FYB1: variants seen among roughly 807,000 people sequenced by gnomAD.
The protein encoded by FYB1 is FYN-binding protein 1.
In FYB1, 41 loss-of-function variants were observed where a neutral mutation model predicts 94.1. The ratio of observed to expected loss-of-function variants is 0.44; its 90% confidence interval spans 0.34 to 0.57. FYB1 has a LOEUF of 0.57. FYB1 is among the 20% of genes least tolerant of loss of function. FYB1 has a pLI of 0.02. For synonymous variants in FYB1, 367 were observed against 353.2 expected, an observed-to-expected ratio of 1.04 and a Z score of -0.44; for missense variants, 1,050 against 976.8, an observed-to-expected ratio of 1.07 and a Z score of -1.00.
chr5:39,268,652 C>T (rs552498182), intron 1 of FYB1, among the ~76,000 whole-genome samples: 132 of 151,830 alleles, frequency 8.7e-4, no homozygotes, highest in South Asian at 4.2e-3. Flanking sequence ...CTGCAACCTC[C>T]GTCTCCCAGG....
chr5:39,263,067 G>T (rs1752289154), intron 1 of FYB1, among the ~76,000 whole-genome samples: 1 of 152,150 alleles, frequency 6.6e-6, no homozygotes, highest in Admixed American at 6.5e-5. Flanking sequence ...GTGAGTATAT[G>T]AGCATTTGTT....
At chr5:39,246,419 C>A (rs764547912) in intron 1 of FYB1, among the ~76,000 whole-genome samples, 16 of 152,274 alleles carry the variant, frequency 1.1e-4, no homozygotes, top group Non-Finnish European at 2.2e-4. Flanking sequence ...TTATTGCCAA[C>A]CAATTCTGCT....
chr5:39,148,612 A>G (rs1297768849), intron 3 of FYB1, among the ~76,000 whole-genome samples: 1 of 151,738 alleles, frequency 6.6e-6, no homozygotes, highest in Non-Finnish European at 1.5e-5. Flanking sequence ...CTGGCTACTG[A>G]TACGGCAAGT....
chr5:39,139,398 C>A (rs1196292116), intron 4 of FYB1, 146 bp from the exon 5 acceptor site: 3 of 654,830 alleles, frequency 4.6e-6, no homozygotes, highest in Middle Eastern at 9.8e-4. Flanking sequence ...AATAGAAAAT[C>A]AAATACGTAC....
At chr5:39,148,466 C>T (rs1302529107) in intron 3 of FYB1, among the ~76,000 whole-genome samples, 1 of 116,544 alleles carries the variant, frequency 8.6e-6, no homozygotes, top group Non-Finnish European at 1.6e-5. Flanking sequence ...TTGTTCTATA[C>T]CTGCCTTACT....
intron 1 of FYB1, among the ~76,000 whole-genome samples, chr5:39,272,014 A>G (rs1278096873): frequency 1.3e-5 from 2 of 151,734 alleles, no homozygotes; most frequent in Non-Finnish European, 2.9e-5. Context: ...AGAGATCATC[A>G]AAGTGCAGAT....
chr5:39,213,467 G>T (rs1199753515), intron 1 of FYB1, among the ~76,000 whole-genome samples: 1 of 152,178 alleles, frequency 6.6e-6, no homozygotes, highest in Admixed American at 6.5e-5. Context: ...CAAGGGATGT[G>T]ATAACATTTG....
intron 3 of FYB1, among the ~76,000 whole-genome samples, chr5:39,150,512 A>G (rs1376761690): frequency 6.6e-6 from 1 of 152,186 alleles, no homozygotes; most frequent in Admixed American, 6.5e-5. Context: ...AGTGTTGCCC[A>G]ATTTTAGACG....
intron 1 of FYB1, among the ~76,000 whole-genome samples, chr5:39,233,315 A>G (rs918508279): frequency 1.3e-5 from 2 of 152,154 alleles, no homozygotes; most frequent in Non-Finnish European, 2.9e-5. Flanking sequence ...CATGGTGAGC[A>G]TCCTTAGCAG....
intron 2 of FYB1, chr5:39,169,597 C>T (rs575616457): frequency 1.1e-5 from 5 of 466,192 alleles, no homozygotes; most frequent in South Asian, 6.8e-5. Flanking sequence ...GTAATCCCAG[C>T]ACTTTGGGAG....
intron 1 of FYB1, among the ~76,000 whole-genome samples, chr5:39,211,789 G>A (rs1358834045): frequency 6.6e-6 from 1 of 152,036 alleles, no homozygotes; most frequent in East Asian, 1.9e-4. Context: ...CAACAAACAC[G>A]AAAACATAGA....
chr5:39,178,438 A>G (rs1017466370), intron 2 of FYB1, among the ~76,000 whole-genome samples: 2 of 152,214 alleles, frequency 1.3e-5, no homozygotes, highest in African/African-American at 4.8e-5. Context: ...CAAATATCAT[A>G]GAACAAATTC....
intron 3 of FYB1, among the ~76,000 whole-genome samples, chr5:39,151,008 A>G (rs1743202561): frequency 6.6e-6 from 1 of 151,948 alleles, no homozygotes; most frequent in Non-Finnish European, 1.5e-5. Flanking sequence ...ACATAAGCTG[A>G]CTCTTTCCCT....
At chr5:39,125,361 A>G (rs558350861) in intron 12 of FYB1, among the ~76,000 whole-genome samples, 3 of 152,150 alleles carry the variant, frequency 2.0e-5, no homozygotes, top group Non-Finnish European at 2.9e-5. Flanking sequence ...ATTTATACTA[A>G]AGGATTATTT....
At chr5:39,165,685 A>G (rs114295071) in intron 2 of FYB1, among the ~76,000 whole-genome samples, 72 of 152,366 alleles carry the variant, frequency 4.7e-4, no homozygotes, top group African/African-American at 1.6e-3. Context: ...GAAATAATCA[A>G]CTGAATAAGC....
intron 1 of FYB1, among the ~76,000 whole-genome samples, chr5:39,241,988 C>T (rs1220577761): frequency 1.3e-5 from 2 of 152,106 alleles, no homozygotes; most frequent in Non-Finnish European, 2.9e-5. Context: ...GCCATATTCC[C>T]TCCAAATTTT....
intron 1 of FYB1, among the ~76,000 whole-genome samples, chr5:39,235,421 T>G (rs1213194502): frequency 6.6e-6 from 1 of 152,130 alleles, no homozygotes; most frequent in Non-Finnish European, 1.5e-5. Flanking sequence ...TTGATGCAGA[T>G]GTCATCCACA....
chr5:39,126,781 A>G (rs960904026), intron 11 of FYB1, among the ~76,000 whole-genome samples: 2 of 150,898 alleles, frequency 1.3e-5, no homozygotes, highest in African/African-American at 4.9e-5. Flanking sequence ...ATCTTAGGCC[A>G]GGCACAGTGG....
rs1000612864 is a variant in FYB1 at position 39,241,535 on chromosome 5, G to T, written c.-28+32868C>A. The stretch of plus-strand genomic sequence containing the variant: ...TACCTCTCCTTCCTCAAAACCTAGA[G>T]TGATAAATAGGTGGTAGAAAGGATT... On this transcript the variant is annotated intron_variant, in intron 1 of 1. Coordinates refer to the FYB1 transcript ENST00000510188. Among the ~76,000 whole-genome samples the T allele has an allele frequency of 3.3e-5, 5 of 152,126 alleles. 1 individual carries two copies. Among genetic ancestry groups the T allele is most frequent in the Non-Finnish European group, 7.3e-5 (5 of 68,034 alleles).
Sources: allele counts gnomAD v4.1 joint callset (sites outside exome capture counted in the v4.1 genomes callset), GRCh38; gene constraint gnomAD v4.1.1; transcripts MANE v1.5; gene names NCBI Gene and HGNC (gene_info 2026-07-23, HGNC 2026-07-21).